Variants in SRPK2 observed in about 807,000 individuals in gnomAD.
SRPK2 encodes SFRS protein kinase 2.
In SRPK2, 21 loss-of-function variants were observed where a neutral mutation model predicts 90.8. The observed-to-expected ratio is 0.23, with a 90% CI of 0.16 to 0.33. The LOEUF is 0.33. Ranked by LOEUF, SRPK2 falls within the 10% of genes least tolerant of loss-of-function variation. The pLI is 1.00. For synonymous variants in SRPK2, 288 were observed against 311.1 expected (o/e 0.93, Z 0.78); for missense variants, 620 against 869.0 (o/e 0.71, Z 3.60).
chr7:105,283,979 G>A (rs532819998), intron 2 of SRPK2, among the ~76,000 whole-genome samples: 2 of 152,102 alleles, frequency 1.3e-5, no homozygotes, highest in Non-Finnish European at 2.9e-5. Flanking sequence ...GACAGGCTGG[G>A]AGACAGGGAC....
chr7:105,378,014 AC>A (rs1820510945), intron 2 of SRPK2, among the ~76,000 whole-genome samples: 1 of 151,988 alleles, frequency 6.6e-6, no homozygotes, highest in Admixed American at 6.6e-5. Context: ...CTGAGTGTGT[AC>A]CCCTTAACAG....
At chr7:105,237,638 T>C (rs1800297359) in intron 2 of SRPK2, among the ~76,000 whole-genome samples, 4 of 152,216 alleles carry the variant, frequency 2.6e-5, no homozygotes, top group Admixed American at 2.6e-4. Context: ...AAGCTTTTGC[T>C]GTGACCATGA....
At chr7:105,360,454 C>G (rs1013301119) in intron 2 of SRPK2, among the ~76,000 whole-genome samples, 4 of 152,186 alleles carry the variant, frequency 2.6e-5, no homozygotes, top group African/African-American at 9.6e-5. Context: ...TTAGTTGATG[C>G]AGTTTCCTCA....
chr7:105,280,859 A>C (rs993756175), intron 2 of SRPK2, among the ~76,000 whole-genome samples: 2 of 142,648 alleles, frequency 1.4e-5, no homozygotes, highest in Non-Finnish European at 3.0e-5. Flanking sequence ...ACGCAGGAGA[A>C]TGGCGTGAAC....
chr7:105,136,543 C>A (rs1197155376), intron 11 of SRPK2, among the ~76,000 whole-genome samples: 2 of 152,182 alleles, frequency 1.3e-5, no homozygotes, highest in Non-Finnish European at 2.9e-5. Context: ...AAGAACTGGG[C>A]CCCTTAAGTC....
intron 2 of SRPK2, among the ~76,000 whole-genome samples, chr7:105,346,707 A>C (rs960688841): frequency 6.6e-6 from 1 of 152,006 alleles, no homozygotes; most frequent in Non-Finnish European, 1.5e-5. Flanking sequence ...GCAGTGAGCC[A>C]AGATCGCACC....
chr7:105,124,439 G>A (rs142617309), intron 15 of SRPK2, among the ~76,000 whole-genome samples: 2,359 of 152,028 alleles, frequency 0.016, 64 homozygotes, highest in African/African-American at 0.052. Context: ...TCAGGAGTTC[G>A]AGACCAGCCT....
intron 1 of SRPK2, among the ~76,000 whole-genome samples, chr7:105,398,381 C>CTTTT (rs1183621196): frequency 7.4e-6 from 1 of 135,090 alleles, no homozygotes; most frequent in Non-Finnish European, 1.6e-5. Context: ...ACCCAGCCTC[C>CTTTT]TTTTTTTTTT....
chr7:105,342,123 G>C lies in SRPK2; in HGVS notation c.71+46525C>G, dbSNP rs545403173. Reference sequence around the variant, plus strand: ...TACTAAAAATACAAAAAATTAGCTGGGCATGGTGGCACATGCCTGTGAAAC... The same window carrying C: ...TACTAAAAATACAAAAAATTAGCTGCGCATGGTGGCACATGCCTGTGAAAC... On this transcript the variant is annotated intron_variant, in intron 2 of 15. Coordinates refer to ENST00000393651, the MANE Select transcript of SRPK2 (RefSeq NM_182692.3). 5.3e-5 allele frequency among the ~76,000 whole-genome samples: 8 copies of C among 150,696 alleles called. No homozygotes were observed. In the East Asian group the frequency reaches 1.7e-3, roughly 33 times the overall value.
In SRPK2 at chr7:105,143,181, T is replaced by A. The variant is rs1584935338; in HGVS notation, c.963A>T (p.Ala321=). 6.2e-7 allele frequency: 1 copy of A among 1,614,140 alleles called. No individual in the cohort carries two copies. The highest frequency in any genetic ancestry group is 1.1e-5 in the South Asian group (1 of 91,092). ...ATTCGCCATCCTGGTCATTGGAAGG[T>A]GCAGCTGAGGTGATGTTTTCTTCTA... ...KIIEENITSA[A]PSNDQDGEYC... The change falls in exon 10 of 16, where the codon GCA becomes GCT. Residue 321 remains alanine (A), a synonymous_variant. Transcript: ENST00000393651.
intron 2 of SRPK2, among the ~76,000 whole-genome samples, chr7:105,243,828 A>G (rs914917622): frequency 6.6e-6 from 1 of 152,228 alleles, no homozygotes; most frequent in Non-Finnish European, 1.5e-5. Flanking sequence ...GATTACCTAA[A>G]TTCACACGTG....
chr7:105,168,498 G>A (rs1373302790), intron 4 of SRPK2, among the ~76,000 whole-genome samples: 1 of 152,076 alleles, frequency 6.6e-6, no homozygotes, highest in Non-Finnish European at 1.5e-5. Context: ...AACTTGTAAT[G>A]AGATCTATCC....
chr7:105,239,039 C>G (rs1052924063), intron 2 of SRPK2, among the ~76,000 whole-genome samples: 2 of 152,140 alleles, frequency 1.3e-5, no homozygotes, highest in African/African-American at 4.8e-5. Context: ...TTCCACTTCT[C>G]CTAATAAGCA....
At chr7:105,206,836 T>C (rs371830710) in intron 2 of SRPK2, among the ~76,000 whole-genome samples, 1 of 152,226 alleles carries the variant, frequency 6.6e-6, no homozygotes, top group East Asian at 1.9e-4. Flanking sequence ...TAGTGGATGG[T>C]AGAACTCTGG....
intron 2 of SRPK2, among the ~76,000 whole-genome samples, chr7:105,247,634 A>C (rs753358045): frequency 1.3e-5 from 2 of 152,182 alleles, no homozygotes; most frequent in African/African-American, 2.4e-5. Context: ...TATGACAATT[A>C]AATGGTACCT....
intron 2 of SRPK2, among the ~76,000 whole-genome samples, chr7:105,229,876 G>A (rs2129619473): frequency 6.6e-6 from 1 of 152,320 alleles, no homozygotes; most frequent in East Asian, 1.9e-4. Context: ...TCTAGTCCAG[G>A]AATCAAGGCA....
intron 2 of SRPK2, among the ~76,000 whole-genome samples, chr7:105,302,350 C>T (rs1025257350): frequency 1.3e-5 from 2 of 152,106 alleles, no homozygotes; most frequent in Admixed American, 6.5e-5. Context: ...AATGGACAGG[C>T]ATGTGGAATA....
chr7:105,355,802 C>G (rs1817718029), intron 2 of SRPK2, among the ~76,000 whole-genome samples: 1 of 152,100 alleles, frequency 6.6e-6, no homozygotes, highest in African/African-American at 2.4e-5. Context: ...TACCTCAGCA[C>G]TTTGGGAGGC....
At chr7:105,170,924 A>G (rs1245119734) in intron 3 of SRPK2, among the ~76,000 whole-genome samples, 1 of 109,412 alleles carries the variant, frequency 9.1e-6, no homozygotes, top group Non-Finnish European at 1.9e-5. Context: ...AGGAGAAAGA[A>G]AAAGAAAAAG....
Sources: gnomAD v4.1 joint callset for allele counts (sites outside exome capture counted in the v4.1 genomes callset) on GRCh38, gnomAD v4.1.1 for gene constraint, MANE v1.5 for transcripts, NCBI Gene and HGNC (gene_info 2026-07-23, HGNC 2026-07-21) for gene names.